The following SLC9A9 variants were observed in gnomAD, a reference collection of about 807,000 sequenced individuals.
The protein encoded by SLC9A9 is solute carrier family 9 member A9, also known as sodium/hydrogen exchanger 9.
SLC9A9 carries 62 observed loss-of-function variants against 77.8 expected under a neutral mutation model. The ratio of observed to expected loss-of-function variants is 0.80; its 90% CI spans 0.65 to 0.98. SLC9A9 has a LOEUF of 0.98. SLC9A9 is among the 50% of genes least tolerant of loss of function. SLC9A9 has a pLI of 0.00. For missense variants in SLC9A9, 775 were observed against 774.9 expected (o/e 1.00, Z 0.00); for synonymous variants, 320 against 283.5 (o/e 1.13, Z -1.29).
At chr3:143,772,428 G>C (rs1234102907) in intron 4 of SLC9A9, among the ~76,000 whole-genome samples, 2 of 152,174 alleles carry the variant, frequency 1.3e-5, no homozygotes, top group Non-Finnish European at 2.9e-5. Context: ...TCAGGCTTGA[G>C]GATTAAAATG....
At chr3:143,527,152 T>C (rs957288729) in intron 9 of SLC9A9, among the ~76,000 whole-genome samples, 3 of 152,214 alleles carry the variant, frequency 2.0e-5, no homozygotes, top group Non-Finnish European at 1.5e-5. Flanking sequence ...GGTGCCTGCA[T>C]TTCTCTCTCA....
At chr3:143,401,246 A>AG (rs1392648158) in intron 12 of SLC9A9, among the ~76,000 whole-genome samples, 1 of 152,084 alleles carries the variant, frequency 6.6e-6, no homozygotes, top group Non-Finnish European at 1.5e-5. Flanking sequence ...TCAAAGCCTC[A>AG]GCTCCTTAAT....
intron 5 of SLC9A9, among the ~76,000 whole-genome samples, chr3:143,655,859 G>C (rs547778903): frequency 2.0e-5 from 3 of 152,254 alleles, no homozygotes; most frequent in Non-Finnish European, 4.4e-5. Flanking sequence ...CAGTGGTGTG[G>C]ACTGCACTCT....
chr3:143,602,739 G>A (rs748655980), intron 6 of SLC9A9, among the ~76,000 whole-genome samples: 14 of 152,150 alleles, frequency 9.2e-5, no homozygotes, highest in African/African-American at 2.2e-4. Flanking sequence ...GAAGCTACCC[G>A]TACAATAGGG....
At chr3:143,607,376 T>C (rs1247897846) in intron 6 of SLC9A9, among the ~76,000 whole-genome samples, 2 of 152,038 alleles carry the variant, frequency 1.3e-5, no homozygotes, top group African/African-American at 2.4e-5. Context: ...GCAAACAAAC[T>C]GTTAAACATG....
chr3:143,563,455 A>G (rs914716586), intron 8 of SLC9A9, among the ~76,000 whole-genome samples: 1 of 152,212 alleles, frequency 6.6e-6, no homozygotes. Flanking sequence ...GAGTCAGAAG[A>G]CATAGGATCT....
At chr3:143,732,040 A>C (rs1218875704) in intron 4 of SLC9A9, among the ~76,000 whole-genome samples, 1 of 152,142 alleles carries the variant, frequency 6.6e-6, no homozygotes, top group African/African-American at 2.4e-5. Context: ...GTTTATTTAC[A>C]TGGCTTCTGT....
At chr3:143,552,340 T>G in intron 9 of SLC9A9, 22 bp downstream of exon 9, 1 of 1,562,824 alleles carries the variant, frequency 6.4e-7, no homozygotes, top group Non-Finnish European at 8.8e-7. Flanking sequence ...AGACCAAGTC[T>G]GTAGTAAATT....
intron 14 of SLC9A9, among the ~76,000 whole-genome samples, chr3:143,347,631 T>G (rs1341999766): frequency 6.6e-6 from 1 of 152,178 alleles, no homozygotes; most frequent in African/African-American, 2.4e-5. Flanking sequence ...TTTCCTTACC[T>G]GTAAGGAGAG....
intron 5 of SLC9A9, among the ~76,000 whole-genome samples, chr3:143,656,199 G>C (rs1174451629): frequency 6.6e-6 from 1 of 152,194 alleles, no homozygotes; most frequent in African/African-American, 2.4e-5. Flanking sequence ...ATGAAAAACT[G>C]TTAGGGTCAA....
At chr3:143,442,122 G>A (rs1386681216) in intron 12 of SLC9A9, among the ~76,000 whole-genome samples, 1 of 152,138 alleles carries the variant, frequency 6.6e-6, no homozygotes, top group Non-Finnish European at 1.5e-5. Context: ...AGGGAGACAG[G>A]TTGCTGAGGA....
intron 14 of SLC9A9, among the ~76,000 whole-genome samples, chr3:143,354,025 G>A (rs2032527805): frequency 1.3e-5 from 2 of 152,094 alleles, no homozygotes; most frequent in Admixed American, 1.3e-4. Flanking sequence ...GGGAATAAGG[G>A]TTTCACGCTT....
intron 14 of SLC9A9, among the ~76,000 whole-genome samples, chr3:143,292,374 C>T (rs1433148641): frequency 2.6e-5 from 4 of 152,204 alleles, no homozygotes; most frequent in African/African-American, 9.7e-5. Context: ...TGTGGACTTA[C>T]ACTACTATTT....
intron 14 of SLC9A9, among the ~76,000 whole-genome samples, chr3:143,306,764 G>C (rs2030802947): frequency 6.6e-6 from 1 of 152,178 alleles, no homozygotes; most frequent in Non-Finnish European, 1.5e-5. Flanking sequence ...CTAAAAAATA[G>C]ATATGCCTAT....
At chr3:143,630,421 T>A (rs1243696924) in intron 6 of SLC9A9, among the ~76,000 whole-genome samples, 2 of 152,222 alleles carry the variant, frequency 1.3e-5, no homozygotes, top group Non-Finnish European at 2.9e-5. Flanking sequence ...TAGTGAATTG[T>A]CTTTTTGCTC....
intron 6 of SLC9A9, among the ~76,000 whole-genome samples, chr3:143,628,789 A>G (rs1476368942): frequency 6.6e-6 from 1 of 152,218 alleles, no homozygotes; most frequent in Non-Finnish European, 1.5e-5. Context: ...CATTTTGTCA[A>G]CAGTCTCATT....
At chr3:143,717,387 T>C (rs1217920444) in intron 4 of SLC9A9, among the ~76,000 whole-genome samples, 6 of 152,220 alleles carry the variant, frequency 3.9e-5, no homozygotes, top group African/African-American at 1.2e-4. Flanking sequence ...TCAGCTACCA[T>C]AGAAGTTGAA....
chr3:143,511,599 G>T (rs916551658), intron 9 of SLC9A9, among the ~76,000 whole-genome samples: 5 of 152,192 alleles, frequency 3.3e-5, no homozygotes, highest in African/African-American at 7.2e-5. Flanking sequence ...AGGCTCAGTG[G>T]CCCAAGAGGC....
intron 6 of SLC9A9, among the ~76,000 whole-genome samples, chr3:143,590,631 T>C (rs2037630617): frequency 6.6e-6 from 1 of 152,246 alleles, no homozygotes; most frequent in African/African-American, 2.4e-5. Context: ...TCCATGGTTT[T>C]GCAAATCTAA....
Sources: gnomAD v4.1 joint callset for allele counts (sites outside exome capture counted in the v4.1 genomes callset) on GRCh38, gnomAD v4.1.1 for gene constraint, MANE v1.5 for transcripts, NCBI Gene and HGNC (gene_info 2026-07-23, HGNC 2026-07-21) for gene names.